Variants in RANBP9 observed in about 807,000 individuals in gnomAD.
The protein encoded by RANBP9 is RAN binding protein 9.
In RANBP9, 15 loss-of-function variants were observed where a neutral mutation model predicts 84.3. The ratio of observed to expected loss-of-function variants is 0.18; its 90% CI spans 0.12 to 0.27. The LOEUF is 0.27. Ranked by LOEUF, RANBP9 falls within the 10% of genes least tolerant of loss-of-function variation. The pLI is 1.00. For synonymous variants in RANBP9, 392 were observed against 349.6 expected, an observed-to-expected ratio of 1.12 and a Z score of -1.35; for missense variants, 809 against 912.8, an observed-to-expected ratio of 0.89 and a Z score of 1.46.
chr6:13,650,448 A>T (rs1489879287), intron 5 of RANBP9, among the ~76,000 whole-genome samples: 4 of 152,112 alleles, frequency 2.6e-5, no homozygotes, highest in Non-Finnish European at 5.9e-5. Context: ...CTTTCAAAAC[A>T]TCTCTGAAAA....
At chr6:13,641,935 G>C (rs919221695) in intron 7 of RANBP9, among the ~76,000 whole-genome samples, 1 of 152,080 alleles carries the variant, frequency 6.6e-6, no homozygotes, top group Non-Finnish European at 1.5e-5. Flanking sequence ...CTCTTGTCAA[G>C]TCATACCCAC....
intron 2 of RANBP9, among the ~76,000 whole-genome samples, chr6:13,669,572 T>C (rs1472038910): frequency 1.3e-5 from 2 of 152,188 alleles, no homozygotes; most frequent in Non-Finnish European, 2.9e-5. Context: ...AACTCTTGTA[T>C]TCACGATCAA....
intron 4 of RANBP9, among the ~76,000 whole-genome samples, chr6:13,656,797 T>TA (rs1184220890): frequency 6.6e-6 from 1 of 152,196 alleles, no homozygotes; most frequent in Admixed American, 6.5e-5. Flanking sequence ...AATTAGATTA[T>TA]ACTGTGTAGC....
At chr6:13,666,857 G>C (rs1330240168) in intron 2 of RANBP9, among the ~76,000 whole-genome samples, 2 of 152,054 alleles carry the variant, frequency 1.3e-5, no homozygotes, top group Non-Finnish European at 2.9e-5. Flanking sequence ...TGGGAAATGG[G>C]TGTCATAAGA....
intron 2 of RANBP9, among the ~76,000 whole-genome samples, chr6:13,666,793 T>A (rs1169779924): frequency 4.0e-5 from 6 of 151,880 alleles, no homozygotes; most frequent in Non-Finnish European, 8.8e-5. Context: ...TGTTATGGAA[T>A]AAATACTACA....
intron 2 of RANBP9, among the ~76,000 whole-genome samples, chr6:13,666,210 T>TATAC (rs1451763356): frequency 6.6e-6 from 1 of 151,962 alleles, no homozygotes; most frequent in Non-Finnish European, 1.5e-5. Flanking sequence ...AGGAGGGAAG[T>TATAC]ATACCTACAC....
intron 2 of RANBP9, among the ~76,000 whole-genome samples, chr6:13,675,682 C>A (rs77587093): frequency 0.013 from 1,926 of 150,738 alleles, 45 homozygotes; most frequent in African/African-American, 0.045. Context: ...AATTAAAAGC[C>A]AGTTCTTTGA....
chr6:13,622,789 T>A (rs566193078), intron 13 of RANBP9, among the ~76,000 whole-genome samples: 2 of 152,362 alleles, frequency 1.3e-5, no homozygotes, highest in East Asian at 3.9e-4. Flanking sequence ...TACAATTTTT[T>A]ATCTGATATT....
chr6:13,653,267 G>C (rs1270612159), intron 4 of RANBP9, among the ~76,000 whole-genome samples: 1 of 152,008 alleles, frequency 6.6e-6, no homozygotes, highest in Non-Finnish European at 1.5e-5. Context: ...GCACAGTTTA[G>C]AATTTCTCTT....
At chr6:13,643,753 T>C (rs559434676) in intron 6 of RANBP9, among the ~76,000 whole-genome samples, 2 of 152,272 alleles carry the variant, frequency 1.3e-5, no homozygotes, top group South Asian at 2.1e-4. Flanking sequence ...GTGGTGACTA[T>C]AGGATTCTGC....
chr6:13,650,001 CTAT>C (rs1443828528), intron 5 of RANBP9, among the ~76,000 whole-genome samples: 1 of 152,144 alleles, frequency 6.6e-6, no homozygotes, highest in African/African-American at 2.4e-5. Context: ...ATTTTTGTTA[CTAT>C]TATTTTGGGA....
intron 2 of RANBP9, among the ~76,000 whole-genome samples, chr6:13,673,937 A>G (rs1165453192): frequency 6.6e-6 from 1 of 151,998 alleles, no homozygotes; most frequent in African/African-American, 2.4e-5. Context: ...ACAAAAAATT[A>G]GCCAGGTGTG....
intron 11 of RANBP9, 170 bp from the exon 12 acceptor site, chr6:13,632,691 G>T (rs951341281): frequency 7.7e-6 from 5 of 646,492 alleles, no homozygotes; most frequent in Non-Finnish European, 1.3e-5. Context: ...GCAGCTAAAA[G>T]ATATACTTTA....
At chr6:13,644,179 T>G (rs1477633457) in intron 6 of RANBP9, among the ~76,000 whole-genome samples, 1 of 152,186 alleles carries the variant, frequency 6.6e-6, no homozygotes, top group Non-Finnish European at 1.5e-5. Context: ...CTAGATTATC[T>G]CTCAACTTTA....
chr6:13,706,141 G>C (rs539173695), intron 1 of RANBP9, among the ~76,000 whole-genome samples: 1 of 150,584 alleles, frequency 6.6e-6, no homozygotes, highest in African/African-American at 2.4e-5. Flanking sequence ...CAGCAGATAA[G>C]AGACCACCTT....
chr6:13,662,754 C>T (rs951901387), intron 2 of RANBP9, among the ~76,000 whole-genome samples: 18 of 152,114 alleles, frequency 1.2e-4, no homozygotes, highest in African/African-American at 2.7e-4. Flanking sequence ...ATAAATTACC[C>T]GGCCTAAGGT....
In RANBP9 at chr6:13,628,181, G is replaced by A. The variant is rs144736095; in HGVS notation, c.1948-2417C>T. ...AAACTGAGGCAGTGAATAGTAAGATGCAGATTCTTTTAGTTACCAATCTAA... is the reference window on the plus strand; with the variant it reads ...AAACTGAGGCAGTGAATAGTAAGATACAGATTCTTTTAGTTACCAATCTAA... On this transcript the variant is annotated intron_variant, in intron 12 of 13. Transcript: ENST00000011619. 3.7e-3 allele frequency among the ~76,000 whole-genome samples: 557 copies of A among 152,298 alleles called. 3 individuals are homozygous for A. Among genetic ancestry groups the A allele is most frequent in the African/African-American group, 0.013 (530 of 41,548 alleles).
chr6:13,711,606 G>A lies in RANBP9; in HGVS notation c.-101C>T, dbSNP rs1584955794. Reference sequence around the variant, plus strand: ...TGCGGCCGCCGGCACCAGGCGCCCAGTCCGCCCGCCCCGGAAGCAGGCGGC... The same window carrying A: ...TGCGGCCGCCGGCACCAGGCGCCCAATCCGCCCGCCCCGGAAGCAGGCGGC... On this transcript the variant is annotated 5_prime_UTR_variant, in exon 1 of 14. Transcript: ENST00000011619. The A allele has an allele frequency of 9.1e-7, 1 of 1,104,048 alleles. No homozygotes were observed. Among genetic ancestry groups the A allele is most frequent in the African/African-American group, 1.7e-5 (1 of 60,560 alleles). 68.4% of individuals were successfully genotyped at this position (1,104,048 alleles called of 1,614,324 possible).
chr6:13,662,493 G>A (rs181192525), intron 2 of RANBP9, among the ~76,000 whole-genome samples: 17 of 152,234 alleles, frequency 1.1e-4, no homozygotes, highest in Admixed American at 9.8e-4. Context: ...GTTGAAACCC[G>A]GTCCCTAATA....
Sources: allele counts gnomAD v4.1 joint callset (sites outside exome capture counted in the v4.1 genomes callset), GRCh38; gene constraint gnomAD v4.1.1; transcripts MANE v1.5; gene names NCBI Gene and HGNC (gene_info 2026-07-23, HGNC 2026-07-21).